Variants in CXCL17 observed in about 807,000 individuals in gnomAD.
The protein encoded by CXCL17 is C-X-C motif chemokine ligand 17, also known as C-X-C motif chemokine 17.
CXCL17 carries 9 observed loss-of-function variants against 15.5 expected under a neutral mutation model. That is an observed-to-expected ratio of 0.58 (90% CI 0.35 to 1.01). CXCL17 has a LOEUF of 1.01. Ranked by LOEUF, CXCL17 falls within the 50% of genes least tolerant of loss-of-function variation. CXCL17 has a pLI of 0.02. For missense variants in CXCL17, 133 were observed against 138.2 expected (o/e 0.96, Z 0.19); for synonymous variants, 52 against 52.3 (o/e 0.99, Z 0.02).
chr19:42,429,024 T>A (rs2040746912), intron 3 of CXCL17, 43 bp from the exon 4 acceptor site: 3 of 1,489,880 alleles, frequency 2.0e-6, no homozygotes, highest in Non-Finnish European at 2.8e-6. Flanking sequence ...TAAAACCATT[T>A]TTAACATTTC....
At chr19:42,438,227 G>A (rs888032941) in intron 1 of CXCL17, among the ~76,000 whole-genome samples, 10 of 150,170 alleles carry the variant, frequency 6.7e-5, no homozygotes, top group African/African-American at 2.0e-4. Flanking sequence ...GTGTGGTGGC[G>A]CACGCCTTTA....
In CXCL17 at chr19:42,439,826, G is replaced by A. The variant is rs368498856; in HGVS notation, c.79+2928C>T. Among the ~76,000 whole-genome samples the A allele has an allele frequency of 4.6e-5, 7 of 152,324 alleles. No homozygotes were observed. In the South Asian group the frequency reaches 1.4e-3, roughly 32 times the overall value. Reference sequence around the variant, plus strand: ...AGGGAAAGACTGAGAAACTATCCCAGGTTGGAGGAGACCTAGGAGATCTGA... The same window carrying A: ...AGGGAAAGACTGAGAAACTATCCCAAGTTGGAGGAGACCTAGGAGATCTGA... On this transcript the variant is annotated intron_variant, in intron 1 of 3. Transcript: ENST00000601181.
At chr19:42,440,822 T>G (rs956328757) in intron 1 of CXCL17, among the ~76,000 whole-genome samples, 1 of 152,132 alleles carries the variant, frequency 6.6e-6, no homozygotes, top group Admixed American at 6.5e-5. Flanking sequence ...AGTATTGGTG[T>G]AGAGCAGTGG....
chr19:42,442,419 G>A (rs898754755), intron 1 of CXCL17, among the ~76,000 whole-genome samples: 6 of 151,900 alleles, frequency 3.9e-5, no homozygotes, highest in Middle Eastern at 3.2e-3. Context: ...ATTTTTAGTA[G>A]AGATGGAGTT....
intron 1 of CXCL17, among the ~76,000 whole-genome samples, chr19:42,441,923 G>C (rs2040896070): frequency 6.6e-6 from 1 of 152,150 alleles, no homozygotes; most frequent in South Asian, 2.1e-4. Context: ...GACACTACCT[G>C]GTGACAGGCT....
intron 1 of CXCL17, among the ~76,000 whole-genome samples, chr19:42,436,213 T>C (rs1162227878): frequency 1.3e-5 from 2 of 152,198 alleles, no homozygotes; most frequent in East Asian, 3.8e-4. Flanking sequence ...AGAGATCATA[T>C]GGTTCAATTC....
chr19:42,435,849 G>C (rs898562289), intron 1 of CXCL17, among the ~76,000 whole-genome samples: 3 of 145,508 alleles, frequency 2.1e-5, no homozygotes, highest in Non-Finnish European at 4.6e-5. Flanking sequence ...AAAAAAAGTA[G>C]GGGGGATCCT....
intron 1 of CXCL17, among the ~76,000 whole-genome samples, chr19:42,441,999 T>C (rs2040896616): frequency 6.6e-6 from 1 of 152,134 alleles, no homozygotes; most frequent in African/African-American, 2.4e-5. Flanking sequence ...CAGTGCACTG[T>C]AAAGAATAGA....
chr19:42,437,960 C>T (rs370889562), intron 1 of CXCL17, among the ~76,000 whole-genome samples: 1 of 151,804 alleles, frequency 6.6e-6, no homozygotes. Flanking sequence ...CAGATAGTAC[C>T]AAACCCTATA....
chr19:42,428,961 T>C lies in CXCL17; in HGVS notation c.283A>G (p.Lys95Glu). 6.2e-7 allele frequency: 1 copy of C among 1,614,090 alleles called. No homozygotes were observed. Among genetic ancestry groups the C allele is most frequent in the Non-Finnish European group, 8.5e-7 (1 of 1,179,954 alleles). ...CAGGCTCTGGAATGCTTGTTTGGCT[T>C]TCTGTGGTGCCTTTGGTGTCCTAGG... ...KKTRHQRHHR[K>E]PNKHSRACQQ... The change falls in exon 4 of 4, where the codon AAG becomes GAG. Residue 95 changes from lysine (K) to glutamate (E), a missense_variant. Physicochemically the swap from Lys to Glu is moderately conservative, Grantham distance 56 (BLOSUM62 1). Transcript: ENST00000601181.
At chr19:42,435,265 C>T (rs1209252593) in intron 1 of CXCL17, among the ~76,000 whole-genome samples, 2 of 151,986 alleles carry the variant, frequency 1.3e-5, no homozygotes, top group African/African-American at 4.8e-5. Context: ...TCAGATGACA[C>T]TTCCTTTATG....
chr19:42,430,334 G>C (rs932624289), intron 3 of CXCL17, among the ~76,000 whole-genome samples: 4 of 152,100 alleles, frequency 2.6e-5, no homozygotes, highest in Admixed American at 2.0e-4. Context: ...GGTGGCTCAT[G>C]CCTGTAATCC....
intron 3 of CXCL17, among the ~76,000 whole-genome samples, chr19:42,431,652 C>G (rs1237404911): frequency 6.6e-6 from 1 of 150,548 alleles, no homozygotes; most frequent in Non-Finnish European, 1.5e-5. Flanking sequence ...ATCTCTCCAG[C>G]CAACACATAA....
At position 42,434,176 on chromosome 19, in the gene CXCL17, G is replaced by GC. The variant is rs369775199; in HGVS notation, c.80-321dup. ...ATAAGGGATTGAGGTTTAAAATCTG[G>GC]CCTATACATAAGCATATTCAAAAAT... On this transcript the variant is annotated intron_variant, in intron 1 of 3. Transcript: ENST00000601181. 3.8e-4 allele frequency among the ~76,000 whole-genome samples: 58 copies of GC among 152,070 alleles called. 1 individual carries two copies. Among genetic ancestry groups the GC allele is most frequent in the African/African-American group, 1.3e-3 (56 of 41,502 alleles).
chr19:42,438,381 A>AAAAAAATATATATATATATATAT (rs1555793041), intron 1 of CXCL17, among the ~76,000 whole-genome samples: 1 of 63,854 alleles, frequency 1.6e-5, no homozygotes, highest in African/African-American at 7.6e-5. Flanking sequence ...AAAAAAAAAA[A>AAAAAAATATATATATATATATAT]ATATATATAT....
chr19:42,432,875 G>C (rs961289400), intron 3 of CXCL17, 101 bp downstream of exon 3: 3 of 829,696 alleles, frequency 3.6e-6, no homozygotes, highest in Non-Finnish European at 6.1e-6. Flanking sequence ...TGCTTATCCT[G>C]GTCTTAATTT....
chr19:42,433,368 G>C (rs1467579194), intron 2 of CXCL17, among the ~76,000 whole-genome samples: 1 of 152,188 alleles, frequency 6.6e-6, no homozygotes, highest in African/African-American at 2.4e-5. Flanking sequence ...AGTAAGGCTT[G>C]GGTGTCTGCT....
chr19:42,432,161 T>TC (rs1440599906), intron 3 of CXCL17, among the ~76,000 whole-genome samples: 2 of 150,046 alleles, frequency 1.3e-5, no homozygotes, highest in Non-Finnish European at 3.0e-5. Context: ...TTTTTTTTTT[T>TC]TGAGGCAGAG....
chr19:42,438,076 A>T (rs958773515), intron 1 of CXCL17, among the ~76,000 whole-genome samples: 4 of 151,920 alleles, frequency 2.6e-5, no homozygotes, highest in Non-Finnish European at 5.9e-5. Context: ...ATATACTGTA[A>T]TAGGCCAGGT....
Sources: allele counts gnomAD v4.1 joint callset (sites outside exome capture counted in the v4.1 genomes callset), GRCh38; gene constraint gnomAD v4.1.1; transcripts MANE v1.5; gene names NCBI Gene and HGNC (gene_info 2026-07-23, HGNC 2026-07-21).